Variants in CLEC1A observed in about 807,000 individuals in gnomAD.
CLEC1A encodes the protein C-type lectin domain family 1 member A.
In CLEC1A, 34 loss-of-function variants were observed where a neutral mutation model predicts 28.7. The ratio of observed to expected loss-of-function variants is 1.18; its 90% CI spans 0.90 to 1.57. CLEC1A has a LOEUF of 1.57. Ranked by LOEUF, CLEC1A falls within the 40% of genes most tolerant of loss-of-function variation. The pLI is 0.00. For missense variants in CLEC1A, 385 were observed against 339.5 expected, an observed-to-expected ratio of 1.13 and a Z score of -1.05; for synonymous variants, 116 against 121.0, an observed-to-expected ratio of 0.96 and a Z score of 0.27.
At chr12:10,073,210 G>T in intron 5 of CLEC1A, 83 bp downstream of exon 5, 2 of 988,762 alleles carry the variant, frequency 2.0e-6, no homozygotes, top group Non-Finnish European at 3.2e-6. Context: ...ATTAATACTT[G>T]ATGGACCAAA....
At chr12:10,090,744 G>A (rs1000519420) in intron 1 of CLEC1A, among the ~76,000 whole-genome samples, 1 of 151,820 alleles carries the variant, frequency 6.6e-6, no homozygotes, top group African/African-American at 2.4e-5. Context: ...TTATTTCTTA[G>A]CAATCATCTC....
chr12:10,088,115 T>A (rs1402427477), intron 2 of CLEC1A, among the ~76,000 whole-genome samples: 1 of 152,138 alleles, frequency 6.6e-6, no homozygotes, highest in Non-Finnish European at 1.5e-5. Context: ...GCAATTAGGA[T>A]CATTGAGAAC....
chr12:10,071,176 G>A lies in CLEC1A; in HGVS notation c.*157C>T, dbSNP rs975715512. 1 of 649,142 alleles carries A rather than the reference G, an allele frequency of 1.5e-6. No individual in the cohort carries two copies. The highest frequency in any genetic ancestry group is 2.5e-6 in the Non-Finnish European group (1 of 398,712). The allele number at this position is 649,142 out of a possible 1,614,324, so 40.2% of individuals were successfully genotyped here. ...AAATACGTGCATAAACCCAAGCTCA[G>A]AAATGCTGGTGATCCTGAACAGGAA... On this transcript the variant is annotated 3_prime_UTR_variant, in exon 6 of 6. Transcript: ENST00000315330.
chr12:10,094,465 G>A (rs188582991), intron 1 of CLEC1A, among the ~76,000 whole-genome samples: 2 of 152,004 alleles, frequency 1.3e-5, no homozygotes, highest in East Asian at 3.9e-4. Flanking sequence ...TATTGAAAAA[G>A]AGAGAGAGAG....
chr12:10,084,916 C>A (rs1369423238), intron 2 of CLEC1A, among the ~76,000 whole-genome samples: 1 of 150,474 alleles, frequency 6.6e-6, no homozygotes, highest in African/African-American at 2.4e-5. Context: ...TAGCTGACAT[C>A]ATCAGAAACC....
intron 1 of CLEC1A, among the ~76,000 whole-genome samples, chr12:10,094,832 C>T (rs1258801832): frequency 6.6e-6 from 1 of 152,094 alleles, no homozygotes; most frequent in Non-Finnish European, 1.5e-5. Context: ...TTTCCCAAGG[C>T]TCTTTCTGTT....
At chr12:10,086,019 TAAC>T (rs919891350) in intron 2 of CLEC1A, among the ~76,000 whole-genome samples, 2 of 152,256 alleles carry the variant, frequency 1.3e-5, no homozygotes, top group African/African-American at 4.8e-5. Flanking sequence ...AATTGAAAAT[TAAC>T]AATACAAGGC....
chr12:10,072,388 A>G (rs980611552), intron 5 of CLEC1A, among the ~76,000 whole-genome samples: 1 of 152,240 alleles, frequency 6.6e-6, no homozygotes, highest in Non-Finnish European at 1.5e-5. Flanking sequence ...GGACTAACAC[A>G]GATACCATAT....
At chr12:10,078,605 G>C (rs997532981) in intron 3 of CLEC1A, among the ~76,000 whole-genome samples, 2 of 152,060 alleles carry the variant, frequency 1.3e-5, no homozygotes, top group Non-Finnish European at 1.5e-5. Flanking sequence ...ATTGTATTTA[G>C]GTTGGCCGAT....
Position 10,069,669 on chromosome 12 carries a change from T to A in CLEC1A, c.*1664A>T, listed in dbSNP as rs1297352781. 2 of 152,196 alleles carry A rather than the reference T, an allele frequency of 1.3e-5. No homozygotes were observed. Among genetic ancestry groups the A allele is most frequent in the Admixed American group, 6.5e-5 (1 of 15,276 alleles). The allele number at this position is 152,196 out of a possible 1,614,324, so 9.4% of individuals were successfully genotyped here. A position where few individuals can be genotyped will look rare whatever the true frequency, so the allele number is the denominator to read the frequency against. ...GAAGTAAAGTGACTTGCCTAATAAGTAAATCAGAATAAGAGGTCTAAAATC... is the reference window on the plus strand; with the variant it reads ...GAAGTAAAGTGACTTGCCTAATAAGAAAATCAGAATAAGAGGTCTAAAATC... On this transcript the variant is annotated 3_prime_UTR_variant, in exon 6 of 6. Transcript: ENST00000315330.
chr12:10,086,367 G>GAA (rs139897740), intron 2 of CLEC1A, among the ~76,000 whole-genome samples: 56 of 121,416 alleles, frequency 4.6e-4, no homozygotes, highest in East Asian at 2.7e-3. Context: ...ATATTGAAAT[G>GAA]AAAAAAAAAA....
intron 3 of CLEC1A, among the ~76,000 whole-genome samples, chr12:10,080,746 G>A (rs73248130): frequency 0.024 from 3,712 of 152,272 alleles, 152 homozygotes; most frequent in African/African-American, 0.086. Context: ...CATTGGCACT[G>A]TCATCATCTG....
chr12:10,092,135 TTGTC>T (rs1456485230), intron 1 of CLEC1A, among the ~76,000 whole-genome samples: 4 of 152,184 alleles, frequency 2.6e-5, no homozygotes, highest in Admixed American at 6.5e-5. Flanking sequence ...TAATTAATAT[TTGTC>T]TGGCTGAAAT....
intron 1 of CLEC1A, 36 bp downstream of exon 1, chr12:10,098,772 G>T: frequency 7.4e-7 from 1 of 1,343,912 alleles, no homozygotes; most frequent in Non-Finnish European, 1.1e-6. Flanking sequence ...ATTTCACAAG[G>T]ACTGTGGTCT....
chr12:10,086,725 C>A (rs1866499083), intron 2 of CLEC1A, among the ~76,000 whole-genome samples: 1 of 152,172 alleles, frequency 6.6e-6, no homozygotes, highest in Non-Finnish European at 1.5e-5. Flanking sequence ...TTCCATCAGA[C>A]ATTCAAAGAA....
chr12:10,098,869 G>A lies in CLEC1A; in HGVS notation c.54C>T (p.Thr18=). The change falls in exon 1 of 6, where the codon ACC becomes ACT. Residue 18 remains threonine, a synonymous_variant. Transcript: ENST00000315330. ...AGCCTTGAGAATGCAGGCTCATGGT[G>A]GTGTCCCCATCATCATCCAGCATGT... ...TRDMLDDDGD[T]TMSLHSQGSA... 6.2e-7 allele frequency: 1 copy of A among 1,613,704 alleles called. No homozygotes were observed. Among genetic ancestry groups the A allele is most frequent in the Admixed American group, 1.7e-5 (1 of 59,998 alleles).
chr12:10,090,159 G>C (rs2137365080), intron 1 of CLEC1A, among the ~76,000 whole-genome samples: 1 of 152,298 alleles, frequency 6.6e-6, no homozygotes, highest in South Asian at 2.1e-4. Context: ...TAGCCCGTTA[G>C]TTCTACTTCA....
chr12:10,085,745 C>T (rs187776695), intron 2 of CLEC1A, among the ~76,000 whole-genome samples: 3 of 152,242 alleles, frequency 2.0e-5, no homozygotes, highest in Admixed American at 2.0e-4. Context: ...ACTCCACTGA[C>T]AGCACTAGAC....
intron 5 of CLEC1A, 31 bp from the exon 6 acceptor site, chr12:10,071,544 C>T: frequency 6.6e-7 from 1 of 1,506,304 alleles, no homozygotes; most frequent in Non-Finnish European, 9.0e-7. Context: ...TAAATTCAAT[C>T]ACGGTTTATT....
Sources: gnomAD v4.1 joint callset for allele counts (sites outside exome capture counted in the v4.1 genomes callset) on GRCh38, gnomAD v4.1.1 for gene constraint, MANE v1.5 for transcripts, NCBI Gene and HGNC (gene_info 2026-07-23, HGNC 2026-07-21) for gene names.